Variants in CSMD1 observed in about 807,000 individuals in gnomAD.
The protein encoded by CSMD1 is CUB and Sushi multiple domains 1.
Under a neutral mutation model 417.5 loss-of-function variants are expected in CSMD1, and 213 were observed. That is an observed-to-expected ratio of 0.51 (90% confidence interval 0.46 to 0.57). The LOEUF is 0.57. Among genes scored for constraint, CSMD1 ranks in the 20% least tolerant of loss-of-function variants. The probability of loss-of-function intolerance (pLI) is 0.00; values close to 1 mark genes in which losing one functional copy is unlikely to be tolerated. For missense variants in CSMD1, 6,923 were observed against 4,529.7 expected (o/e 1.53, Z -15.17); for synonymous variants, 2,862 against 1,736.8 (o/e 1.65, Z -16.11).
chr8:4,680,012 C>G (rs2130973292), intron 1 of CSMD1, among the ~76,000 whole-genome samples: 1 of 152,264 alleles, frequency 6.6e-6, no homozygotes, highest in Middle Eastern at 3.4e-3. Context: ...TTTTAGTACT[C>G]TTCAAGTACT....
intron 6 of CSMD1, among the ~76,000 whole-genome samples, chr8:3,752,279 C>G (rs1797380257): frequency 6.6e-6 from 1 of 152,136 alleles, no homozygotes; most frequent in South Asian, 2.1e-4. Flanking sequence ...AGCTTCTTTG[C>G]AACCAAAGAA....
At chr8:4,544,668 G>A (rs1797554929) in intron 2 of CSMD1, among the ~76,000 whole-genome samples, 2 of 152,270 alleles carry the variant, frequency 1.3e-5, no homozygotes, top group South Asian at 4.1e-4. Context: ...CGTATTCCAT[G>A]TCCAGCTTTA....
chr8:3,380,500 C>G (rs1032653964), intron 18 of CSMD1, among the ~76,000 whole-genome samples: 2 of 152,166 alleles, frequency 1.3e-5, no homozygotes, highest in African/African-American at 2.4e-5. Flanking sequence ...AAATGTCCAT[C>G]AATGATAGGC....
At chr8:4,976,021 G>T (rs916992260) in intron 1 of CSMD1, among the ~76,000 whole-genome samples, 2 of 152,302 alleles carry the variant, frequency 1.3e-5, no homozygotes, top group South Asian at 4.1e-4. Flanking sequence ...TTGGACTGGA[G>T]CTTTTGTTTA....
chr8:3,612,804 A>G (rs1274261474), intron 8 of CSMD1, among the ~76,000 whole-genome samples: 3 of 152,110 alleles, frequency 2.0e-5, no homozygotes, highest in Non-Finnish European at 4.4e-5. Flanking sequence ...TGATAGCAGT[A>G]AATACCCACA....
chr8:4,726,469 T>A (rs1277627331), intron 1 of CSMD1, among the ~76,000 whole-genome samples: 1 of 152,180 alleles, frequency 6.6e-6, no homozygotes, highest in Non-Finnish European at 1.5e-5. Flanking sequence ...TAAGTCTGCT[T>A]CACTTTTTTT....
At chr8:3,758,354 T>C (rs183563394) in intron 5 of CSMD1, among the ~76,000 whole-genome samples, 1 of 152,214 alleles carries the variant, frequency 6.6e-6, no homozygotes, top group East Asian at 1.9e-4. Context: ...TCAAATGAAT[T>C]GTACCCCGAA....
At chr8:4,075,488 G>C (rs768264035) in intron 3 of CSMD1, among the ~76,000 whole-genome samples, 1 of 152,124 alleles carries the variant, frequency 6.6e-6, no homozygotes, top group Non-Finnish European at 1.5e-5. Flanking sequence ...GTAAAATAAA[G>C]TGGCAAATGA....
chr8:3,493,887 T>C (rs1284576314), intron 10 of CSMD1, among the ~76,000 whole-genome samples, 161 bp from the exon 11 acceptor site: 1 of 152,204 alleles, frequency 6.6e-6, no homozygotes, highest in East Asian at 1.9e-4. Flanking sequence ...TAATTATATA[T>C]ATTTGATAGC....
intron 51 of CSMD1, among the ~76,000 whole-genome samples, chr8:3,028,561 T>C (rs2128976068): frequency 6.6e-6 from 1 of 152,344 alleles, no homozygotes; most frequent in East Asian, 1.9e-4. Flanking sequence ...TGATTTATCT[T>C]TGTGTTCCTG....
Position 3,886,485 on chromosome 8 carries a change from C to T in CSMD1, c.818+111418G>A, listed in dbSNP as rs139671941. Among the ~76,000 whole-genome samples, 831 of 152,302 alleles carry T rather than the reference C, an allele frequency of 5.5e-3. 29 individuals are homozygous for T. Among genetic ancestry groups the T allele is most frequent in the Admixed American group, 0.05 (766 of 15,296 alleles). ...AAATATTTTGGTTTTGTCAGCCATA[C>T]GGTCTCTGTCACACTACCCAGCAGT... On this transcript the variant is annotated intron_variant, in intron 5 of 69. Transcript: ENST00000635120.
intron 27 of CSMD1, among the ~76,000 whole-genome samples, chr8:3,229,496 G>C (rs540182499): frequency 3.3e-5 from 5 of 152,204 alleles, no homozygotes; most frequent in Admixed American, 1.3e-4. Context: ...AAAATCATTT[G>C]TTATCCTTTT....
At chr8:3,083,608 TTTTATATATATA>T (rs1445998831) in intron 49 of CSMD1, among the ~76,000 whole-genome samples, 528 of 44,966 alleles carry the variant, frequency 0.012, 43 homozygotes, top group African/African-American at 0.04. Context: ...TTACCATAAT[TTTTATATATATA>T]TATATATATA....
intron 39 of CSMD1, 99 bp downstream of exon 39, chr8:3,157,798 T>C (rs1585507861): frequency 1.0e-6 from 1 of 979,566 alleles, no homozygotes; most frequent in East Asian, 2.7e-5. Context: ...GTTTTGAAAT[T>C]AAGAAATTTA....
chr8:4,879,983 A>G (rs748869412), intron 1 of CSMD1, among the ~76,000 whole-genome samples: 1 of 152,076 alleles, frequency 6.6e-6, no homozygotes, highest in Non-Finnish European at 1.5e-5. Context: ...TGTAAAAGCA[A>G]TATTATATCT....
chr8:3,389,166 T>G (rs5023364), intron 17 of CSMD1, among the ~76,000 whole-genome samples: 14 of 151,830 alleles, frequency 9.2e-5, no homozygotes, highest in Non-Finnish European at 1.9e-4. Flanking sequence ...TTTGTTACAT[T>G]GGTAAACTTT....
intron 10 of CSMD1, among the ~76,000 whole-genome samples, chr8:3,513,392 G>T: frequency 6.6e-6 from 1 of 150,800 alleles, no homozygotes; most frequent in Non-Finnish European, 1.5e-5. Flanking sequence ...CTGGTGTGGA[G>T]TGGTGCTCAC....
chr8:3,996,267 A>G (rs1483990665), intron 5 of CSMD1, among the ~76,000 whole-genome samples: 1 of 152,112 alleles, frequency 6.6e-6, no homozygotes, highest in African/African-American at 2.4e-5. Flanking sequence ...TAAAAATAAG[A>G]CCTTTAACTT....
At chr8:4,367,523 G>T (rs1802149825) in intron 3 of CSMD1, among the ~76,000 whole-genome samples, 1 of 152,104 alleles carries the variant, frequency 6.6e-6, no homozygotes, top group Non-Finnish European at 1.5e-5. Flanking sequence ...TTTTGCTCAG[G>T]ACTGCTTTAG....
Sources: gnomAD v4.1 joint callset for allele counts (sites outside exome capture counted in the v4.1 genomes callset) on GRCh38, gnomAD v4.1.1 for gene constraint, MANE v1.5 for transcripts, NCBI Gene and HGNC (gene_info 2026-07-23, HGNC 2026-07-21) for gene names.